Variants in MBD5 observed in about 807,000 individuals in gnomAD.
The protein encoded by MBD5 is methyl-CpG binding domain protein 5.
A neutral mutation model predicts 117.3 loss-of-function variants in MBD5; 13 were observed. The observed-to-expected ratio is 0.11, with a 90% CI of 0.07 to 0.18. MBD5 has a LOEUF of 0.18. Ranked by LOEUF, MBD5 falls within the 10% of genes least tolerant of loss-of-function variation. MBD5 has a pLI of 1.00. For missense variants in MBD5, 1,879 were observed against 2,093.8 expected (o/e 0.90, Z 2.00); for synonymous variants, 727 against 766.4 (o/e 0.95, Z 0.85).
chr2:148,199,515 T>C lies in MBD5; in HGVS notation c.-831+20722T>C, dbSNP rs114974928. 6.4e-3 allele frequency among the ~76,000 whole-genome samples: 972 copies of C among 152,272 alleles called. 4 individuals are homozygous for C. The highest frequency in any genetic ancestry group is 0.02 in the South Asian group (95 of 4,828). ...CAGGCACGGTGGCTCATGTCTATAATCTAACCACTTTGGGAGGCCGAGGTG... is the reference window on the plus strand; with the variant it reads ...CAGGCACGGTGGCTCATGTCTATAACCTAACCACTTTGGGAGGCCGAGGTG... On this transcript the variant is annotated intron_variant, in intron 2 of 13. Coordinates refer to ENST00000642680, the MANE Select transcript of MBD5 (RefSeq NM_001378120.1).
chr2:148,200,692 C>CA (rs770296644), intron 2 of MBD5, among the ~76,000 whole-genome samples: 2,650 of 57,186 alleles, frequency 0.046, 93 homozygotes, highest in African/African-American at 0.14. Flanking sequence ...GACTCTATCT[C>CA]AAAAAAAAAA....
intron 2 of MBD5, among the ~76,000 whole-genome samples, chr2:148,197,815 T>C (rs1260443769): frequency 8.5e-6 from 1 of 117,274 alleles, no homozygotes; most frequent in South Asian, 2.6e-4. Context: ...TGTTTTTTTT[T>C]TTGTTTTTTT....
chr2:148,427,703 T>C (rs1019160943), intron 4 of MBD5, among the ~76,000 whole-genome samples: 1 of 152,064 alleles, frequency 6.6e-6, no homozygotes, highest in African/African-American at 2.4e-5. Flanking sequence ...GAAGAGTTAA[T>C]GGGTGCAGCA....
chr2:148,335,817 TTTA>T (rs1337372466), intron 3 of MBD5, among the ~76,000 whole-genome samples: 1 of 152,218 alleles, frequency 6.6e-6, no homozygotes, highest in Non-Finnish European at 1.5e-5. Context: ...CTTTGTATAT[TTTA>T]TTGTCTTACA....
In MBD5 at chr2:148,490,002, G is replaced by C. The variant is rs1169079233; in HGVS notation, c.4370G>C (p.Ser1457Thr). The C allele has an allele frequency of 1.9e-6, 3 of 1,614,024 alleles. No homozygotes were observed. Among genetic ancestry groups the C allele is most frequent in the Admixed American group, 1.7e-5 (1 of 60,006 alleles). Residue 1457 changes from serine (S) to threonine (T), a missense_variant, in exon 11 of 14, where the codon AGT becomes ACT. Ser to Thr is a moderately conservative substitution (Grantham distance 58). Coordinates refer to ENST00000642680, the MANE Select transcript of MBD5 (RefSeq NM_001378120.1). ...TTAGATCATCCAGGCCATATCCACA[G>C]TAGTCCTTGTCATGAAAGGCCCAAC... is the stretch of plus-strand genomic sequence containing the variant. ...EFLDHPGHIHSSPCHERPNNV... is the reference protein window; with the variant it reads ...EFLDHPGHIHTSPCHERPNNV...
intron 4 of MBD5, among the ~76,000 whole-genome samples, chr2:148,378,581 A>G (rs761698510): frequency 2.6e-5 from 4 of 152,052 alleles, no homozygotes; most frequent in Non-Finnish European, 2.9e-5. Flanking sequence ...TGTTTGAGAG[A>G]ACTTTTTTCT....
intron 1 of MBD5, among the ~76,000 whole-genome samples, chr2:148,086,923 A>G (rs893811528): frequency 5.9e-5 from 9 of 152,096 alleles, no homozygotes; most frequent in African/African-American, 2.2e-4. Context: ...TCTTCCTTTC[A>G]TAAGGAAGGC....
intron 2 of MBD5, among the ~76,000 whole-genome samples, chr2:148,214,571 C>G (rs777525515): frequency 1.4e-4 from 22 of 152,104 alleles, no homozygotes; most frequent in Non-Finnish European, 2.9e-4. Flanking sequence ...ATCATACCAC[C>G]CCAAAGTTCT....
At chr2:148,080,372 A>G (rs1695619037) in intron 1 of MBD5, among the ~76,000 whole-genome samples, 1 of 152,224 alleles carries the variant, frequency 6.6e-6, no homozygotes, top group Non-Finnish European at 1.5e-5. Context: ...AACTTCAAAA[A>G]ATGATCTAGG....
rs1459833322 is a variant in MBD5 at position 148,469,418 on chromosome 2, C to T, written c.1475C>T (p.Ser492Leu). ...TSSGIKVPPR[S>L]PRSTIGSPRP... ...AGTGGTATTAAGGTTCCACCCAGGT[C>T]ACCAAGGTCAACAATAGGGTCCCCA... The change falls in exon 8 of 14, where the codon TCA (serine) becomes TTA (leucine). Residue 492 changes from serine (S) to leucine (L), a missense_variant. Transcript: ENST00000642680. 6.2e-7 allele frequency: 1 copy of T among 1,613,832 alleles called. No individual in the cohort carries two copies. Among genetic ancestry groups the T allele is most frequent in the Non-Finnish European group, 8.5e-7 (1 of 1,179,892 alleles).
At chr2:148,367,118 A>G (rs1400927974) in intron 4 of MBD5, among the ~76,000 whole-genome samples, 3 of 152,354 alleles carry the variant, frequency 2.0e-5, no homozygotes, top group Admixed American at 1.3e-4. Flanking sequence ...TGGTACTGGT[A>G]TCAAAACAGA....
intron 4 of MBD5, chr2:148,393,281 A>C (rs1704616287): frequency 6.6e-6 from 1 of 152,142 alleles, no homozygotes; most frequent in Non-Finnish European, 1.5e-5. Context: ...ATTTATGCCC[A>C]CCCAATCTGT....
intron 4 of MBD5, among the ~76,000 whole-genome samples, chr2:148,417,462 G>A (rs1574402319): frequency 1.3e-5 from 2 of 151,968 alleles, no homozygotes; most frequent in Middle Eastern, 3.4e-3. Context: ...ATTTTACTTT[G>A]GGTAGATACC....
At chr2:148,132,698 T>C (rs959611141) in intron 1 of MBD5, among the ~76,000 whole-genome samples, 3 of 152,182 alleles carry the variant, frequency 2.0e-5, no homozygotes, top group African/African-American at 7.2e-5. Context: ...TCAGCTGTAA[T>C]CAGTCTCTTA....
intron 4 of MBD5, among the ~76,000 whole-genome samples, chr2:148,402,582 G>C (rs1005201240): frequency 4.6e-5 from 7 of 152,008 alleles, no homozygotes; most frequent in Non-Finnish European, 2.9e-5. Context: ...CTATAGATTA[G>C]TTTACATTTT....
At chr2:148,493,445 A>G (rs79234009) in intron 11 of MBD5, among the ~76,000 whole-genome samples, 6,264 of 152,292 alleles carry the variant, frequency 0.041, 168 homozygotes, top group Non-Finnish European at 0.059. Context: ...AGCCACTCCA[A>G]ATTCTTTATG....
intron 3 of MBD5, among the ~76,000 whole-genome samples, chr2:148,324,855 G>C (rs1320175841): frequency 6.6e-6 from 1 of 152,090 alleles, no homozygotes; most frequent in Non-Finnish European, 1.5e-5. Context: ...GCCCTGGCCA[G>C]AACTTCCAAC....
intron 11 of MBD5, among the ~76,000 whole-genome samples, chr2:148,495,047 T>C (rs1681659126): frequency 6.6e-6 from 1 of 152,196 alleles, no homozygotes; most frequent in Admixed American, 6.5e-5. Flanking sequence ...GGTGCAAGTT[T>C]CTTTCTGAAC....
intron 1 of MBD5, among the ~76,000 whole-genome samples, chr2:148,113,317 G>A (rs1463687948): frequency 1.3e-5 from 2 of 151,984 alleles, no homozygotes; most frequent in Admixed American, 6.6e-5. Context: ...TGTAACATTA[G>A]GTGCATTGTG....
Sources: allele counts gnomAD v4.1 joint callset (sites outside exome capture counted in the v4.1 genomes callset), GRCh38; gene constraint gnomAD v4.1.1; transcripts MANE v1.5; gene names NCBI Gene and HGNC (gene_info 2026-07-23, HGNC 2026-07-21).